Variants in DPP10 observed in about 807,000 individuals in gnomAD.
DPP10 encodes the protein inactive dipeptidyl peptidase 10.
A neutral mutation model predicts 120.9 loss-of-function variants in DPP10; 33 were observed. The ratio of observed to expected loss-of-function variants is 0.27; its 90% CI spans 0.21 to 0.37. DPP10 has a LOEUF of 0.37. Among genes scored for constraint, DPP10 ranks in the 10% least tolerant of loss-of-function variants. The probability of loss-of-function intolerance (pLI) is 1.00; values close to 1 mark genes in which losing one functional copy is unlikely to be tolerated. For synonymous variants in DPP10, 337 were observed against 326.1 expected (o/e 1.03, Z -0.36); for missense variants, 816 against 942.8 (o/e 0.87, Z 1.76).
intron 1 of DPP10, among the ~76,000 whole-genome samples, chr2:114,756,612 A>C (rs1393746733): frequency 6.6e-6 from 1 of 152,222 alleles, no homozygotes; most frequent in African/African-American, 2.4e-5. Flanking sequence ...ACTGGGGTCT[A>C]AACCCCACTG....
chr2:115,663,030 T>C (rs192326261), intron 5 of DPP10, among the ~76,000 whole-genome samples: 1 of 152,202 alleles, frequency 6.6e-6, no homozygotes, highest in East Asian at 1.9e-4. Context: ...GGGTACATAC[T>C]AGGTGTATAT....
intron 1 of DPP10, among the ~76,000 whole-genome samples, chr2:115,033,399 C>T (rs1703984084): frequency 6.6e-6 from 1 of 152,180 alleles, no homozygotes; most frequent in Admixed American, 6.5e-5. Context: ...CTTTCTCCAT[C>T]TTTAGTGGCT....
intron 1 of DPP10, among the ~76,000 whole-genome samples, chr2:115,156,703 AGGGAATCT>A (rs2051938096): frequency 1.3e-5 from 2 of 152,236 alleles, no homozygotes. Flanking sequence ...TTGAATCATT[AGGGAATCT>A]TGTCTTGGTT....
chr2:115,565,847 A>G (rs1186698505), intron 5 of DPP10, among the ~76,000 whole-genome samples: 7 of 145,434 alleles, frequency 4.8e-5, no homozygotes, highest in African/African-American at 1.5e-4. Flanking sequence ...TTGCAGCAGC[A>G]TGATCTTGGC....
In DPP10 at chr2:115,296,206, G is replaced by A. The variant is rs577197004; in HGVS notation, c.61-13033G>A. On this transcript the variant is annotated intron_variant, in intron 1 of 25. Coordinates refer to ENST00000410059, the MANE Select transcript of DPP10 (RefSeq NM_020868.6). ...AGGTGGTGGTGGTGGTGAAGGAAGT[G>A]CAGTTGGTTAAGATAAGGAGATGAG... Among the ~76,000 whole-genome samples the A allele has an allele frequency of 6.6e-5, 10 of 152,166 alleles. No individual in the cohort carries two copies. The East Asian group carries it at 1.7e-3, about 27-fold the overall frequency.
intron 1 of DPP10, among the ~76,000 whole-genome samples, chr2:114,918,714 T>C (rs1177549252): frequency 2.0e-5 from 3 of 152,182 alleles, no homozygotes; most frequent in African/African-American, 7.2e-5. Flanking sequence ...AAATACTGCA[T>C]GTTCTCACTT....
intron 1 of DPP10, among the ~76,000 whole-genome samples, chr2:114,720,600 A>G (rs933408445): frequency 6.6e-6 from 1 of 152,180 alleles, no homozygotes; most frequent in South Asian, 2.1e-4. Context: ...CCACACATTT[A>G]AAAAAATGCT....
intron 1 of DPP10, among the ~76,000 whole-genome samples, chr2:114,907,818 GTGT>G (rs1694086135): frequency 6.6e-6 from 1 of 151,962 alleles, no homozygotes; most frequent in Non-Finnish European, 1.5e-5. Flanking sequence ...TTGGCTTATA[GTGT>G]TGTTCAAACA....
chr2:114,712,107 G>A (rs2105869119), intron 1 of DPP10, among the ~76,000 whole-genome samples: 1 of 152,200 alleles, frequency 6.6e-6, no homozygotes, highest in East Asian at 1.9e-4. Flanking sequence ...ATCACCTGAG[G>A]TCAGGAGTTC....
At chr2:114,816,037 G>C (rs558206633) in intron 1 of DPP10, among the ~76,000 whole-genome samples, 1 of 152,156 alleles carries the variant, frequency 6.6e-6, no homozygotes, top group Admixed American at 6.5e-5. Flanking sequence ...TGTTACTCTT[G>C]AAATAAAGGC....
At chr2:114,448,705 A>G (rs1338651103) in intron 1 of DPP10, among the ~76,000 whole-genome samples, 4 of 152,326 alleles carry the variant, frequency 2.6e-5, no homozygotes, top group African/African-American at 9.6e-5. Context: ...GAATTGTCTG[A>G]GTACCACAGA....
intron 3 of DPP10, among the ~76,000 whole-genome samples, chr2:115,457,565 AATAC>A (rs2073668286): frequency 6.6e-6 from 1 of 152,150 alleles, no homozygotes; most frequent in South Asian, 2.1e-4. Flanking sequence ...GTGATTGGGT[AATAC>A]ATACATGGAA....
At chr2:114,526,811 G>T (rs1388209258) in intron 1 of DPP10, among the ~76,000 whole-genome samples, 2 of 152,034 alleles carry the variant, frequency 1.3e-5, no homozygotes, top group African/African-American at 2.4e-5. Context: ...CCATCTCCTG[G>T]TACCATCACT....
chr2:115,435,600 A>G (rs1395210520), intron 3 of DPP10, among the ~76,000 whole-genome samples: 1 of 151,792 alleles, frequency 6.6e-6, no homozygotes, highest in Non-Finnish European at 1.5e-5. Flanking sequence ...CTGATTATTA[A>G]TGCCTTATTG....
At chr2:114,493,417 T>C (rs1257493205) in intron 1 of DPP10, among the ~76,000 whole-genome samples, 1 of 152,152 alleles carries the variant, frequency 6.6e-6, no homozygotes, top group Non-Finnish European at 1.5e-5. Context: ...GAATGGCTTG[T>C]GCAGCAGGTG....
intron 2 of DPP10, among the ~76,000 whole-genome samples, chr2:115,321,287 G>A (rs1052580431): frequency 2.0e-5 from 3 of 152,078 alleles, no homozygotes; most frequent in African/African-American, 7.2e-5. Flanking sequence ...GGCAACAAGA[G>A]TGAAACCCCA....
chr2:114,581,309 G>A (rs1158813496), intron 1 of DPP10, among the ~76,000 whole-genome samples: 2 of 148,158 alleles, frequency 1.3e-5, no homozygotes, highest in East Asian at 2.1e-4. Flanking sequence ...TCAGCCTCCC[G>A]AGTAGCTGGG....
chr2:115,583,489 T>A (rs2082116275), intron 5 of DPP10, among the ~76,000 whole-genome samples: 1 of 152,040 alleles, frequency 6.6e-6, no homozygotes, highest in South Asian at 2.1e-4. Flanking sequence ...GGTGCCTGGA[T>A]GAGATGGCTG....
chr2:114,564,673 T>C (rs1003896497), intron 1 of DPP10, among the ~76,000 whole-genome samples: 2 of 150,546 alleles, frequency 1.3e-5, no homozygotes, highest in African/African-American at 4.9e-5. Flanking sequence ...GAAAGGAAAA[T>C]AGAGGAGAAA....
Sources: allele counts gnomAD v4.1 joint callset (sites outside exome capture counted in the v4.1 genomes callset), GRCh38; gene constraint gnomAD v4.1.1; transcripts MANE v1.5; gene names NCBI Gene and HGNC (gene_info 2026-07-23, HGNC 2026-07-21).